The following TMEM144 variants were observed in gnomAD, a reference collection of about 807,000 sequenced individuals.
TMEM144 encodes the protein transmembrane protein 144.
TMEM144 carries 39 observed loss-of-function variants against 43.6 expected under a neutral mutation model. The ratio of observed to expected loss-of-function variants is 0.90; its 90% confidence interval spans 0.69 to 1.17. The LOEUF (loss-of-function observed/expected upper bound fraction) is 1.17. Among genes scored for constraint, TMEM144 ranks in the 50% most tolerant of loss-of-function variants. The probability of loss-of-function intolerance (pLI) is 0.00; values close to 1 mark genes in which losing one functional copy is unlikely to be tolerated. For missense variants in TMEM144, 417 were observed against 411.9 expected, an observed-to-expected ratio of 1.01 and a Z score of -0.11; for synonymous variants, 154 against 133.6, an observed-to-expected ratio of 1.15 and a Z score of -1.06.
At chr4:158,239,096 T>C (rs1735499606) in intron 9 of TMEM144, among the ~76,000 whole-genome samples, 1 of 152,214 alleles carries the variant, frequency 6.6e-6, no homozygotes, top group Admixed American at 6.5e-5. Flanking sequence ...TTTGTCCAAG[T>C]CCCAAAGTTA....
At chr4:158,218,012 A>C (rs1734315309) in intron 5 of TMEM144, among the ~76,000 whole-genome samples, 1 of 152,232 alleles carries the variant, frequency 6.6e-6, no homozygotes, top group Non-Finnish European at 1.5e-5. Context: ...AGAGTTGAGC[A>C]GCAAGGGAAT....
intron 3 of TMEM144, 52 bp downstream of exon 3, chr4:158,212,828 TC>T (rs1321858631): frequency 5.7e-6 from 8 of 1,415,672 alleles, no homozygotes; most frequent in Non-Finnish European, 7.9e-6. Context: ...AAAATGAAGT[TC>T]CTTTTTTGGT....
chr4:158,244,050 G>A (rs539294619), intron 11 of TMEM144, among the ~76,000 whole-genome samples: 68 of 151,888 alleles, frequency 4.5e-4, no homozygotes, highest in African/African-American at 1.6e-3. Flanking sequence ...AGTATTATGT[G>A]GCACAAAATA....
chr4:158,215,384 A>T (rs776199358), intron 4 of TMEM144, 71 bp downstream of exon 4: 125 of 1,546,732 alleles, frequency 8.1e-5, no homozygotes, highest in Non-Finnish European at 1.0e-4. Flanking sequence ...TCACAATAGG[A>T]GGAAATAGCG....
chr4:158,218,056 G>A (rs1284593656), intron 5 of TMEM144, among the ~76,000 whole-genome samples: 4 of 152,136 alleles, frequency 2.6e-5, no homozygotes, highest in Non-Finnish European at 5.9e-5. Context: ...ATCTACAACC[G>A]CCTTCGAGAA....
At chr4:158,225,098 G>A (rs907933730) in intron 6 of TMEM144, among the ~76,000 whole-genome samples, 1 of 152,196 alleles carries the variant, frequency 6.6e-6, no homozygotes, top group African/African-American at 2.4e-5. Flanking sequence ...ACAGCATGGG[G>A]GGACTTTATG....
intron 5 of TMEM144, among the ~76,000 whole-genome samples, chr4:158,218,906 C>G (rs543514874): frequency 6.6e-6 from 1 of 151,990 alleles, no homozygotes; most frequent in Non-Finnish European, 1.5e-5. Flanking sequence ...GTGGGTGGAT[C>G]GCTTGATTTC....
At chr4:158,229,723 G>A (rs28571231) in intron 6 of TMEM144, among the ~76,000 whole-genome samples, 87,007 of 151,960 alleles carry the variant, frequency 0.57, 25,434 homozygotes, top group East Asian at 0.82. Context: ...GGGAGGCCCC[G>A]CCCAGTGAGA....
At chr4:158,236,495 A>G (rs1011006445) in intron 8 of TMEM144, among the ~76,000 whole-genome samples, 1 of 152,174 alleles carries the variant, frequency 6.6e-6, no homozygotes, top group African/African-American at 2.4e-5. Flanking sequence ...CTCCACGGCT[A>G]TGAAGTCCAG....
At position 158,241,572 on chromosome 4, in the gene TMEM144, T is replaced by C; in HGVS notation, c.866T>C (p.Leu289Pro). ...TCCWFIANHS[L>P]SAVVSFPIIT... ...TGTTGGTTCATAGCAAATCACTCTC[T>C]GAGTGCTGTGGTCAGTTTTCCAATA... is the stretch of plus-strand genomic sequence containing the variant. The change falls in exon 11 of 13, where the codon CTG (leucine) becomes CCG (proline). Residue 289 changes from leucine (L) to proline (P), a missense_variant. Physicochemically the swap from Leu to Pro is moderately conservative, Grantham distance 98 (BLOSUM62 -3). Transcript: ENST00000296529. 6.2e-7 allele frequency: 1 copy of C among 1,613,998 alleles called. No homozygotes were observed. The highest frequency in any genetic ancestry group is 1.1e-5 in the South Asian group (1 of 91,078).
At chr4:158,241,470 G>T (rs1218207678) in intron 10 of TMEM144, 39 bp from the exon 11 acceptor site, 1 of 1,514,208 alleles carries the variant, frequency 6.6e-7, no homozygotes, top group African/African-American at 1.4e-5. Flanking sequence ...TTCAGGAGGG[G>T]AACATGGTCT....
rs181567977 is a variant in TMEM144 at position 158,235,302 on chromosome 4, A to G, written c.496-136A>G. 1.2e-3 allele frequency: 988 copies of G among 815,454 alleles called. 9 individuals are homozygous for G. Among genetic ancestry groups the G allele is most frequent in the Middle Eastern group, 6.9e-3 (23 of 3,328 alleles). The allele number at this position is 815,454 out of a possible 1,614,324, so 50.5% of individuals were successfully genotyped here. A position where few individuals can be genotyped will look rare whatever the true frequency, so the allele number is the denominator to read the frequency against. ...AGAAACAGTTGAGTTTAGAGATATC[A>G]GAATGCATAGGTGACATGTTTATTA... On this transcript the variant is annotated intron_variant, in intron 7 of 12. Coordinates refer to ENST00000296529, the MANE Select transcript of TMEM144 (RefSeq NM_018342.5).
At chr4:158,219,204 G>A (rs911886265) in intron 5 of TMEM144, 106 bp from the exon 6 acceptor site, 1 of 1,014,410 alleles carries the variant, frequency 9.9e-7, no homozygotes, top group Non-Finnish European at 1.5e-6. Flanking sequence ...ATAAGTGAGA[G>A]AGCTAGCATT....
chr4:158,235,186 G>T (rs977027912), intron 7 of TMEM144: 2 of 400,330 alleles, frequency 5.0e-6, no homozygotes, highest in East Asian at 3.9e-5. Flanking sequence ...GTTTTTATAG[G>T]TGTATCACAA....
intron 11 of TMEM144, among the ~76,000 whole-genome samples, chr4:158,244,082 C>A (rs1373489051): frequency 6.6e-6 from 1 of 151,798 alleles, no homozygotes; most frequent in Non-Finnish European, 1.5e-5. Context: ...TCAAAATAAT[C>A]AAAATGAAGA....
At chr4:158,244,410 C>T (rs1007071934) in intron 12 of TMEM144, 61 bp downstream of exon 12, 35 of 1,409,508 alleles carry the variant, frequency 2.5e-5, no homozygotes, top group African/African-American at 5.7e-5. Flanking sequence ...CGTGGTGGCT[C>T]ACGCTTGTCC....
At position 158,240,287 on chromosome 4, in the gene TMEM144, G is replaced by A. The variant is rs770115916; in HGVS notation, c.683-12G>A. Reference sequence around the variant, plus strand: ...AAAATGGTGTTTGAGAGTTTTTAATGTCTATTTTCAGATTTAGACTATGTG... The same window carrying A: ...AAAATGGTGTTTGAGAGTTTTTAATATCTATTTTCAGATTTAGACTATGTG... On this transcript the variant is annotated splice_polypyrimidine_tract_variant and intron_variant, in intron 9 of 12. Transcript: ENST00000296529. 1 of 1,597,148 alleles carries A rather than the reference G, an allele frequency of 6.3e-7. No individual in the cohort carries two copies. Among genetic ancestry groups the A allele is most frequent in the South Asian group, 1.1e-5 (1 of 87,466 alleles).
At chr4:158,228,659 G>A (rs545588773) in intron 6 of TMEM144, among the ~76,000 whole-genome samples, 130 of 152,262 alleles carry the variant, frequency 8.5e-4, no homozygotes, top group Non-Finnish European at 1.5e-3. Flanking sequence ...GGAGTCCCTC[G>A]CAGGGATGTT....
intron 6 of TMEM144, among the ~76,000 whole-genome samples, chr4:158,221,012 A>G (rs1560823187): frequency 1.3e-5 from 2 of 152,190 alleles, no homozygotes; most frequent in African/African-American, 4.8e-5. Flanking sequence ...TCCATGTTTC[A>G]TGCACTTGAA....
Sources: gnomAD v4.1 joint callset for allele counts (sites outside exome capture counted in the v4.1 genomes callset) on GRCh38, gnomAD v4.1.1 for gene constraint, MANE v1.5 for transcripts, NCBI Gene and HGNC (gene_info 2026-07-23, HGNC 2026-07-21) for gene names.